XKR5: variants seen among roughly 807,000 people sequenced by gnomAD.
XKR5 encodes XK related 5.
Under a neutral mutation model 40.8 loss-of-function variants are expected in XKR5, and 46 were observed. The ratio of observed to expected loss-of-function variants is 1.13; its 90% confidence interval spans 0.89 to 1.44. The LOEUF (loss-of-function observed/expected upper bound fraction) is 1.44, where lower values mean the gene tolerates loss of function less well. XKR5 is among the 40% of genes most tolerant of loss of function. The pLI is 0.00. For synonymous variants in XKR5, 466 were observed against 356.1 expected (o/e 1.31, Z -3.48); for missense variants, 1,169 against 844.7 (o/e 1.38, Z -4.76).
intron 4 of XKR5, among the ~76,000 whole-genome samples, chr8:6,822,718 G>A (rs1360714927): frequency 2.6e-5 from 4 of 152,132 alleles, no homozygotes; most frequent in Admixed American, 6.5e-5. Context: ...AGCTCTCCTC[G>A]GCAGGGACAC....
chr8:6,831,962 C>A (rs1291833370), intron 2 of XKR5, among the ~76,000 whole-genome samples: 1 of 141,366 alleles, frequency 7.1e-6, no homozygotes, highest in African/African-American at 2.7e-5. Flanking sequence ...TTGCAGTGAG[C>A]CAAGATCACA....
chr8:6,811,477 G>T lies in XKR5; in HGVS notation c.1782C>A (p.Thr594=). Residue 594 remains threonine, a synonymous_variant, in exon 7 of 7, where the codon ACC becomes ACA. Coordinates refer to ENST00000618742, the MANE Select transcript of XKR5 (RefSeq NM_207411.5). The part of the protein sequence containing the change: ...HPVGLAPFPD[T]MADISPILGT... Reference sequence around the variant, plus strand: ...CTAGGATGGGGCTAATGTCGGCCATGGTGTCGGGGAAGGGCGCCAAGCCCA... The same window carrying T: ...CTAGGATGGGGCTAATGTCGGCCATTGTGTCGGGGAAGGGCGCCAAGCCCA... 6.5e-7 allele frequency: 1 copy of T among 1,529,636 alleles called. No homozygotes were observed. The highest frequency in any genetic ancestry group is 8.8e-7 in the Non-Finnish European group (1 of 1,142,448). The allele number at this position is 1,529,636 out of a possible 1,614,324, so 94.8% of individuals were successfully genotyped here. A position where few individuals can be genotyped will look rare whatever the true frequency, so the allele number is the denominator to read the frequency against.
chr8:6,819,821 T>A (rs1804143723), intron 5 of XKR5, among the ~76,000 whole-genome samples: 2 of 118,688 alleles, frequency 1.7e-5, no homozygotes, highest in South Asian at 5.3e-4. Context: ...TCCTTCCTCT[T>A]CCCTACCTTC....
chr8:6,819,808 A>ACTTCCTTCCTCTTCCCTAC (rs146376669), intron 5 of XKR5, among the ~76,000 whole-genome samples: 7 of 150,762 alleles, frequency 4.6e-5, no homozygotes, highest in Non-Finnish European at 8.8e-5. Flanking sequence ...TTTACCCTCC[A>ACTTCCTTCCTCTTCCCTAC]CTTCCTTCCT....
intron 6 of XKR5, 146 bp downstream of exon 6, chr8:6,815,661 C>A: frequency 1.6e-6 from 1 of 607,770 alleles, no homozygotes; most frequent in Non-Finnish European, 2.9e-6. Flanking sequence ...ATGGGCATGG[C>A]TCTGCCCCCC....
chr8:6,814,438 CAG>C (rs1803870775), intron 6 of XKR5, among the ~76,000 whole-genome samples: 1 of 152,032 alleles, frequency 6.6e-6, no homozygotes, highest in Admixed American at 6.6e-5. Flanking sequence ...ATAATAGAAA[CAG>C]AGAACAGAAT....
intron 5 of XKR5, among the ~76,000 whole-genome samples, chr8:6,816,693 A>AG (rs1460202871): frequency 6.8e-6 from 1 of 146,744 alleles, no homozygotes; most frequent in African/African-American, 2.5e-5. Flanking sequence ...TTTAATTAAA[A>AG]ATAATTTAAT....
Position 6,812,162 on chromosome 8 carries a change from C to T in XKR5, c.1097G>A (p.Gly366Glu), listed in dbSNP as rs1374100714. 1 of 1,551,524 alleles carries T rather than the reference C, an allele frequency of 6.4e-7. No homozygotes were observed. Among genetic ancestry groups the T allele is most frequent in the Non-Finnish European group, 8.7e-7 (1 of 1,147,008 alleles). ...TAAAATGGTTGGTTCATAACTTGCC[C>T]CTTGGCATGAGCCTGAGCTCTCGGT... ...KRTESSGSCQ[G>E]ASYEPTILGK... Residue 366 changes from glycine to glutamate, a missense_variant, in exon 7 of 7, where the codon GGG (glycine) becomes GAG (glutamate). Gly to Glu is a moderately conservative substitution (Grantham distance 98, BLOSUM62 -2). Transcript: ENST00000618742.
chr8:6,811,443 G>A lies in XKR5; in HGVS notation c.1816C>T (p.Pro606Ser). 1 of 1,536,350 alleles carries A rather than the reference G, an allele frequency of 6.5e-7. No individual in the cohort carries two copies. Among genetic ancestry groups the A allele is most frequent in the East Asian group, 2.4e-5 (1 of 40,914 alleles). Residue 606 changes from proline to serine, a missense_variant, in exon 7 of 7, where the codon CCA becomes TCA. Pro to Ser is a moderately conservative substitution (Grantham distance 74). Coordinates refer to ENST00000618742, the MANE Select transcript of XKR5 (RefSeq NM_207411.5). ...ADISPILGTG[P>S]CRGFCPSAGF... ...GCACTGGGGCAGAAGCCTCTACATG[G>A]GCCTGTGCCTAGGATGGGGCTAATG...
intron 5 of XKR5, among the ~76,000 whole-genome samples, chr8:6,820,692 G>A (rs1240071933): frequency 6.6e-6 from 1 of 152,198 alleles, no homozygotes; most frequent in African/African-American, 2.4e-5. Context: ...TGTTATGCTC[G>A]GTGTTCAGAT....
At chr8:6,812,750 T>C (rs1206746811) in intron 6 of XKR5, among the ~76,000 whole-genome samples, 1 of 152,180 alleles carries the variant, frequency 6.6e-6, no homozygotes, top group Non-Finnish European at 1.5e-5. Flanking sequence ...CGACTGTCAA[T>C]ACAGTGGTTG....
intron 2 of XKR5, among the ~76,000 whole-genome samples, chr8:6,832,484 C>T (rs1203588879): frequency 1.3e-5 from 2 of 152,150 alleles, no homozygotes; most frequent in Non-Finnish European, 2.9e-5. Flanking sequence ...AAAAGCCTTT[C>T]GTAAGGTCAC....
chr8:6,828,603 A>C (rs2117113375), intron 2 of XKR5, among the ~76,000 whole-genome samples: 1 of 152,294 alleles, frequency 6.6e-6, no homozygotes, highest in Admixed American at 6.5e-5. Flanking sequence ...TTTGGTCACT[A>C]GGTCCTATGA....
At chr8:6,812,437 A>C (rs1803775287) in intron 6 of XKR5, 98 bp from the exon 7 acceptor site, 1 of 1,300,224 alleles carries the variant, frequency 7.7e-7, no homozygotes, top group South Asian at 1.6e-5. Context: ...GTGTAGAGGA[A>C]GATAATTTGG....
intron 5 of XKR5, among the ~76,000 whole-genome samples, chr8:6,818,694 C>G (rs1804077976): frequency 6.6e-6 from 1 of 152,202 alleles, no homozygotes; most frequent in African/African-American, 2.4e-5. Context: ...CCTACTGAGA[C>G]AGAATCTCTG....
In XKR5 at chr8:6,808,590, C is replaced by G. The variant is rs757624820; in HGVS notation, c.*2608G>C. On this transcript the variant is annotated 3_prime_UTR_variant, in exon 7 of 7. Transcript: ENST00000618742. ...TATATTTTCTGATCCTTTTCATCAC[C>G]GGGCAATATGCTTTCTGGAGGCATG... 2.6e-5 allele frequency: 4 copies of G among 152,128 alleles called. No homozygotes were observed. The East Asian group carries it at 7.7e-4, about 29-fold the overall frequency. 9.4% of individuals were successfully genotyped at this position (152,128 alleles called of 1,614,324 possible).
At chr8:6,826,119 TGTG>T (rs1245861198) in intron 2 of XKR5, among the ~76,000 whole-genome samples, 25 of 152,230 alleles carry the variant, frequency 1.6e-4, no homozygotes, top group African/African-American at 2.4e-4. Context: ...TGAACACACA[TGTG>T]GTGTACATGT....
chr8:6,832,971 C>A, intron 1 of XKR5, 71 bp from the exon 2 acceptor site: 1 of 1,320,296 alleles, frequency 7.6e-7, no homozygotes, highest in East Asian at 2.8e-5. Context: ...GCATTTTAAA[C>A]AACTGAACAT....
At chr8:6,813,789 C>A (rs1234390469) in intron 6 of XKR5, among the ~76,000 whole-genome samples, 2 of 152,190 alleles carry the variant, frequency 1.3e-5, no homozygotes, top group African/African-American at 4.8e-5. Flanking sequence ...CGTGGGCCAG[C>A]ATACTGGCTG....
Sources: allele counts gnomAD v4.1 joint callset (sites outside exome capture counted in the v4.1 genomes callset), GRCh38; gene constraint gnomAD v4.1.1; transcripts MANE v1.5; gene names NCBI Gene and HGNC (gene_info 2026-07-23, HGNC 2026-07-21).